Variants in NCAPD3 observed in about 807,000 individuals in gnomAD.
NCAPD3 encodes non-SMC condensin II complex subunit D3.
Under a neutral mutation model 182.9 loss-of-function variants are expected in NCAPD3, and 105 were observed. The ratio of observed to expected loss-of-function variants is 0.57; its 90% CI spans 0.49 to 0.68. The LOEUF (loss-of-function observed/expected upper bound fraction) is 0.68, where lower values mean the gene tolerates loss of function less well. Ranked by LOEUF, NCAPD3 falls within the 30% of genes least tolerant of loss-of-function variation. The probability of loss-of-function intolerance (pLI) is 0.00; values close to 1 mark genes in which losing one functional copy is unlikely to be tolerated. For missense variants in NCAPD3, 1,944 were observed against 1,837.0 expected (o/e 1.06, Z -1.07); for synonymous variants, 815 against 679.9 (o/e 1.20, Z -3.09).
upstream of NCAPD3, chr11:134,223,981 G>T: frequency 2.5e-6 from 4 of 1,582,538 alleles, no homozygotes; most frequent in Non-Finnish European, 3.4e-6. Flanking sequence ...GCTCGCTCCC[G>T]CGCGCGCGCC....
chr11:134,213,984 C>T (rs1052869535), intron 3 of NCAPD3, among the ~76,000 whole-genome samples: 1 of 152,002 alleles, frequency 6.6e-6, no homozygotes, highest in Non-Finnish European at 1.5e-5. Context: ...GAGATTCCAA[C>T]ATTCCTCTCT....
intron 26 of NCAPD3, 127 bp downstream of exon 26, chr11:134,168,342 A>G (rs1943919763): frequency 2.7e-6 from 4 of 1,502,188 alleles, no homozygotes; most frequent in Non-Finnish European, 3.7e-6. Context: ...GATGCCAGAG[A>G]AGGACAAGAT....
intron 22 of NCAPD3, 182 bp downstream of exon 22, chr11:134,178,452 T>A (rs996913610): frequency 6.9e-6 from 3 of 434,746 alleles, no homozygotes; most frequent in African/African-American, 2.0e-5. Context: ...AGGGCTCTCA[T>A]GACCAGCACG....
chr11:134,217,350 T>C lies in NCAPD3; in HGVS notation c.220-252A>G, dbSNP rs1177547412. The stretch of plus-strand genomic sequence containing the variant: ...ATTAAACTTTCAAAAGAATTTTTTG[T>C]TAAGTTTGTAGCATATATACTTCAG... On this transcript the variant is annotated intron_variant, in intron 2 of 34. Transcript: ENST00000534548. Among the ~76,000 whole-genome samples, 4 of 152,222 alleles carry C rather than the reference T, an allele frequency of 2.6e-5. No homozygotes were observed. The South Asian group carries it at 6.2e-4, about 24-fold the overall frequency.
intron 32 of NCAPD3, among the ~76,000 whole-genome samples, chr11:134,155,453 C>G (rs975751455): frequency 9.2e-5 from 14 of 152,164 alleles, no homozygotes; most frequent in African/African-American, 3.4e-4. Flanking sequence ...ACTGCATCAG[C>G]AGGAATATTA....
chr11:134,179,040 TA>T, intron 20 of NCAPD3, 104 bp from the exon 21 acceptor site: 2 of 741,846 alleles, frequency 2.7e-6, no homozygotes, highest in Admixed American at 5.2e-5. Context: ...CCCCCAAATT[TA>T]AAACAATGTT....
Position 134,158,479 on chromosome 11 carries a change from TC to T in NCAPD3, c.3883del (p.Glu1295LysfsTer18). 4.3e-6 allele frequency: 7 copies of T among 1,613,890 alleles called. No individual in the cohort carries two copies. Among genetic ancestry groups the T allele is most frequent in the Non-Finnish European group, 5.1e-6 (6 of 1,180,012 alleles). On this transcript the variant is annotated frameshift_variant, in exon 30 of 35. Coordinates refer to ENST00000534548, the MANE Select transcript of NCAPD3 (RefSeq NM_015261.3). LOFTEE classifies it high-confidence loss of function. The stretch of plus-strand genomic sequence containing the variant: ...TTGGCCAGCAGGAACTGGCACTGTT[TC>T]TAAACACAGGGCAACCTGGTAGAGA... ...APVAQVALCL[E>X]TVPVPAGQEN...
chr11:134,202,677 C>T, intron 13 of NCAPD3, 139 bp downstream of exon 13: 2 of 596,668 alleles, frequency 3.4e-6, no homozygotes, highest in African/African-American at 1.9e-5. Context: ...GCATGAGTCA[C>T]CACGCCCAGC....
At chr11:134,185,117 G>C in intron 17 of NCAPD3, 117 bp from the exon 18 acceptor site, 1 of 933,912 alleles carries the variant, frequency 1.1e-6, no homozygotes, top group Middle Eastern at 2.2e-4. Flanking sequence ...CATGGCTTAG[G>C]AGTCAAGCTG....
chr11:134,204,823 T>C lies in NCAPD3; in HGVS notation c.1089+76A>G. The C allele has an allele frequency of 9.1e-7, 1 of 1,099,396 alleles. No individual in the cohort carries two copies. The highest frequency in any genetic ancestry group is 1.3e-6 in the Non-Finnish European group (1 of 755,230). The allele number at this position is 1,099,396 out of a possible 1,614,324, so 68.1% of individuals were successfully genotyped here. On this transcript the variant is annotated intron_variant, in intron 9 of 34. Coordinates refer to ENST00000534548, the MANE Select transcript of NCAPD3 (RefSeq NM_015261.3). The surrounding 1 kb of genome is among the most constrained non-coding windows in gnomAD (Gnocchi z 4.3). Reference sequence around the variant, plus strand: ...CATTCCCAAGAACAAATACCCACACTCACACACACACACACACATTTATCT... The same window carrying C: ...CATTCCCAAGAACAAATACCCACACCCACACACACACACACACATTTATCT...
In NCAPD3 at chr11:134,215,910, G is replaced by A. The variant is rs116764559; in HGVS notation, c.382+1026C>T. On this transcript the variant is annotated intron_variant, in intron 3 of 34. Coordinates refer to ENST00000534548, the MANE Select transcript of NCAPD3 (RefSeq NM_015261.3). Reference sequence around the variant, plus strand: ...TCGACAGCATCCCAATCATAAACCCGAAACATTTAAAAACAGAAGGTAACT... The same window carrying A: ...TCGACAGCATCCCAATCATAAACCCAAAACATTTAAAAACAGAAGGTAACT... Among the ~76,000 whole-genome samples, 637 of 152,244 alleles carry A rather than the reference G, an allele frequency of 4.2e-3. 4 individuals carry two copies. Among genetic ancestry groups the A allele is most frequent in the African/African-American group, 0.015 (610 of 41,528 alleles).
intron 3 of NCAPD3, among the ~76,000 whole-genome samples, chr11:134,216,353 A>G (rs1394533049): frequency 6.6e-6 from 1 of 152,050 alleles, no homozygotes. Flanking sequence ...CTCAATCTCT[A>G]TGTTCCACTC....
At chr11:134,203,996 T>C (rs908782828) in intron 10 of NCAPD3, 50 bp downstream of exon 10, 5 of 1,509,802 alleles carry the variant, frequency 3.3e-6, no homozygotes, top group Non-Finnish European at 4.6e-6. Flanking sequence ...GAGACCCTTT[T>C]AAAAAGAGTT....
In NCAPD3 at chr11:134,210,375, T is replaced by C; in HGVS notation, c.462A>G (p.Glu154=). The C allele has an allele frequency of 6.2e-7, 1 of 1,614,204 alleles. No homozygotes were observed. Among genetic ancestry groups the C allele is most frequent in the Non-Finnish European group, 8.5e-7 (1 of 1,180,016 alleles). ...TCTTTCTTTTCCGATTCAAGTTAGATTCCTGGGGCCAGCTCTTCTTTAGAG... is the reference window on the plus strand; with the variant it reads ...TCTTTCTTTTCCGATTCAAGTTAGACTCCTGGGGCCAGCTCTTCTTTAGAG... ...IQTLKKSWPQ[E]SNLNRKRKKE... The change falls in exon 4 of 35, where the codon GAA becomes GAG. Residue 154 remains glutamate (E), a synonymous_variant. Transcript: ENST00000534548.
chr11:134,167,973 T>A (rs1309659227), intron 27 of NCAPD3, 23 bp downstream of exon 27: 1 of 1,607,600 alleles, frequency 6.2e-7, no homozygotes, highest in Admixed American at 1.7e-5. Context: ...GAGAAGATGA[T>A]CTTAGGGGAG....
intron 13 of NCAPD3, among the ~76,000 whole-genome samples, chr11:134,197,011 C>T (rs1338315151): frequency 6.6e-6 from 1 of 152,094 alleles, no homozygotes; most frequent in Admixed American, 6.5e-5. Flanking sequence ...GCAGATCCCT[C>T]GCAGCTTGGT....
In NCAPD3 at chr11:134,195,663, A is replaced by C. The variant is rs140928974; in HGVS notation, c.1616-925T>G. Among the ~76,000 whole-genome samples the C allele has an allele frequency of 4.2e-3, 635 of 152,246 alleles. 4 individuals are homozygous for C. The highest frequency in any genetic ancestry group is 0.015 in the African/African-American group (608 of 41,540). ...TGGGGAGACTGAGATCAGAGGATCA[A>C]CTGAGCCCAGGAGTTCGAGTCCAGC... is the stretch of plus-strand genomic sequence containing the variant. On this transcript the variant is annotated intron_variant, in intron 13 of 34. Coordinates refer to ENST00000534548, the MANE Select transcript of NCAPD3 (RefSeq NM_015261.3).
chr11:134,170,162 GTAGA>G (rs1227897481), intron 24 of NCAPD3, among the ~76,000 whole-genome samples: 1 of 152,210 alleles, frequency 6.6e-6, no homozygotes, highest in Non-Finnish European at 1.5e-5. Context: ...AAATTCCACT[GTAGA>G]TAATTACACC....
In NCAPD3 at chr11:134,177,256, C is replaced by T. The variant is rs935776685; in HGVS notation, c.2984G>A (p.Arg995Gln). 5.6e-6 allele frequency: 9 copies of T among 1,614,068 alleles called. No individual in the cohort carries two copies. The highest frequency in any genetic ancestry group is 1.1e-5 in the South Asian group (1 of 91,092). The change falls in exon 23 of 35, where the codon CGG (arginine) becomes CAG (glutamine). Residue 995 changes from arginine to glutamine, a missense_variant. Arg to Gln is a conservative substitution (Grantham distance 43). Coordinates refer to ENST00000534548, the MANE Select transcript of NCAPD3 (RefSeq NM_015261.3). The stretch of plus-strand genomic sequence containing the variant: ...GGTAAGCAAGATGAGTGTCTGCTTC[C>T]GGATGAATGGGTCGGAATCCTTCAG... ...MCLKDSDPFI[R>Q]KQTLILLTNL... is the part of the protein sequence containing the mutation.
Sources: gnomAD v4.1 joint callset for allele counts (sites outside exome capture counted in the v4.1 genomes callset) on GRCh38, gnomAD v4.1.1 for gene constraint, Gnocchi (gnomAD v3.1) non-coding constraint, MANE v1.5 for transcripts, NCBI Gene and HGNC (gene_info 2026-07-23, HGNC 2026-07-21) for gene names.